The following PHACTR1 variants were observed in gnomAD, a reference collection of about 807,000 sequenced individuals.
PHACTR1 encodes RPEL repeat containing 1.
PHACTR1 carries 16 observed loss-of-function variants against 69.2 expected under a neutral mutation model. The observed-to-expected ratio is 0.23, with a 90% CI of 0.16 to 0.35. The LOEUF (loss-of-function observed/expected upper bound fraction) is 0.35. Ranked by LOEUF, PHACTR1 falls within the 10% of genes least tolerant of loss-of-function variation. PHACTR1 has a pLI of 1.00. For missense variants in PHACTR1, 510 were observed against 734.7 expected, an observed-to-expected ratio of 0.69 and a Z score of 3.54; for synonymous variants, 312 against 284.5, an observed-to-expected ratio of 1.10 and a Z score of -0.97.
At chr6:12,804,494 T>G (rs996321720) in intron 4 of PHACTR1, among the ~76,000 whole-genome samples, 1 of 152,232 alleles carries the variant, frequency 6.6e-6, no homozygotes, top group Admixed American at 6.5e-5. Context: ...GAATGATTAT[T>G]TGAAATATAA....
In PHACTR1 at chr6:13,196,145, C is replaced by A. The variant is rs115006897; in HGVS notation, c.665-9670C>A. 2.0e-3 allele frequency among the ~76,000 whole-genome samples: 298 copies of A among 152,306 alleles called. 2 individuals are homozygous for A. The highest frequency in any genetic ancestry group is 6.9e-3 in the African/African-American group (285 of 41,568). ...CTGTGTGTTTCCCAGCAGGAGCAGC[C>A]ACCATCATCATTAGAAAGGCAAGAA... On this transcript the variant is annotated intron_variant, in intron 7 of 14. Coordinates refer to ENST00000332995, the MANE Select transcript of PHACTR1 (RefSeq NM_030948.6).
chr6:12,851,671 A>C (rs947253228), intron 4 of PHACTR1, among the ~76,000 whole-genome samples: 127 of 152,194 alleles, frequency 8.3e-4, no homozygotes, highest in African/African-American at 2.9e-3. Flanking sequence ...AATAGATTCT[A>C]CATATTCTAA....
intron 4 of PHACTR1, among the ~76,000 whole-genome samples, chr6:12,804,466 A>T (rs1257542571): frequency 6.6e-6 from 1 of 152,242 alleles, no homozygotes; most frequent in East Asian, 1.9e-4. Context: ...CTGAAAGAAG[A>T]TGGCTGGTCC....
At chr6:13,103,406 C>G (rs1815506881) in intron 5 of PHACTR1, among the ~76,000 whole-genome samples, 1 of 152,128 alleles carries the variant, frequency 6.6e-6, no homozygotes, top group African/African-American at 2.4e-5. Flanking sequence ...TTTGCAAATA[C>G]TTTCTGTAGT....
At chr6:12,849,600 A>G (rs1479603858) in intron 4 of PHACTR1, among the ~76,000 whole-genome samples, 1 of 152,160 alleles carries the variant, frequency 6.6e-6, no homozygotes, top group Non-Finnish European at 1.5e-5. Flanking sequence ...GAGCTAGGGA[A>G]TGTTGAGATT....
At chr6:12,811,173 A>G (rs2127695527) in intron 4 of PHACTR1, among the ~76,000 whole-genome samples, 1 of 152,350 alleles carries the variant, frequency 6.6e-6, no homozygotes, top group South Asian at 2.1e-4. Flanking sequence ...GTCGTAGATT[A>G]CATAAGGGAG....
chr6:13,132,302 C>G (rs1820588400), intron 5 of PHACTR1, among the ~76,000 whole-genome samples: 6 of 152,162 alleles, frequency 3.9e-5, no homozygotes, highest in Admixed American at 3.9e-4. Context: ...CCTACTGGCA[C>G]CTGCCTGTGG....
intron 4 of PHACTR1, among the ~76,000 whole-genome samples, chr6:12,927,912 A>C (rs1051577617): frequency 6.6e-6 from 1 of 152,214 alleles, no homozygotes; most frequent in Non-Finnish European, 1.5e-5. Flanking sequence ...TTAGCACTGC[A>C]CAGAGTTAAG....
chr6:12,871,766 T>C (rs969056197), intron 4 of PHACTR1, among the ~76,000 whole-genome samples: 19 of 152,226 alleles, frequency 1.2e-4, no homozygotes, highest in African/African-American at 4.6e-4. Context: ...CTAAACATTT[T>C]CACAGCTGTT....
At chr6:12,989,008 G>A (rs561111134) in intron 4 of PHACTR1, among the ~76,000 whole-genome samples, 24 of 152,320 alleles carry the variant, frequency 1.6e-4, no homozygotes, top group South Asian at 1.4e-3. Context: ...GTCTCACTCC[G>A]CCTGTTGCTG....
intron 4 of PHACTR1, among the ~76,000 whole-genome samples, chr6:12,825,917 G>A (rs544729466): frequency 6.6e-6 from 1 of 152,186 alleles, no homozygotes; most frequent in African/African-American, 2.4e-5. Flanking sequence ...GAAAAGAAAA[G>A]AAAAGAAAAG....
intron 7 of PHACTR1, among the ~76,000 whole-genome samples, chr6:13,195,779 A>AAAAAAAAAAAAAAAAAAG (rs201554952): frequency 4.7e-4 from 56 of 118,552 alleles, no homozygotes; most frequent in African/African-American, 1.3e-3. Flanking sequence ...AAAAAAAAAA[A>AAAAAAAAAAAAAAAAAAG]AGTTCATTTG....
chr6:12,883,103 T>C (rs1026598425), intron 4 of PHACTR1, among the ~76,000 whole-genome samples: 6 of 152,142 alleles, frequency 3.9e-5, no homozygotes, highest in Non-Finnish European at 7.3e-5. Flanking sequence ...AAGTCAGAGT[T>C]ATGGAGTTGG....
At position 13,090,895 on chromosome 6, in the gene PHACTR1, A is replaced by G. The variant is rs1181998252; in HGVS notation, c.415+37366A>G. Reference sequence around the variant, plus strand: ...AGGATGATTTAAGCACATTACATTTATTGTACACTTTATTTCTATTATTAT... The same window carrying G: ...AGGATGATTTAAGCACATTACATTTGTTGTACACTTTATTTCTATTATTAT... On this transcript the variant is annotated intron_variant, in intron 5 of 14. Transcript: ENST00000332995. 5.9e-5 allele frequency among the ~76,000 whole-genome samples: 9 copies of G among 152,086 alleles called. No homozygotes were observed. The East Asian group carries it at 1.7e-3, about 29-fold the overall frequency.
chr6:12,749,335 C>T (rs765837288), intron 3 of PHACTR1: 6 of 454,988 alleles, frequency 1.3e-5, no homozygotes, highest in African/African-American at 4.0e-5. Flanking sequence ...ACTGGCCCCT[C>T]GGCCCTGTGG....
chr6:13,147,060 T>C (rs1823477069), intron 5 of PHACTR1, among the ~76,000 whole-genome samples: 1 of 152,230 alleles, frequency 6.6e-6, no homozygotes. Flanking sequence ...TGAAAAAGTC[T>C]GTCCTAATAG....
chr6:12,983,365 T>C (rs1198164234), intron 4 of PHACTR1, among the ~76,000 whole-genome samples: 2 of 152,098 alleles, frequency 1.3e-5, no homozygotes, highest in Non-Finnish European at 2.9e-5. Flanking sequence ...TTGACAGTTA[T>C]GAAAGATTTG....
At chr6:12,802,590 G>A (rs1773834462) in intron 4 of PHACTR1, among the ~76,000 whole-genome samples, 1 of 152,124 alleles carries the variant, frequency 6.6e-6, no homozygotes, top group Non-Finnish European at 1.5e-5. Context: ...ACCGTAGGAT[G>A]TACCATTATT....
intron 5 of PHACTR1, among the ~76,000 whole-genome samples, chr6:13,067,265 C>T (rs1808792935): frequency 2.0e-5 from 3 of 152,090 alleles, no homozygotes; most frequent in Admixed American, 2.0e-4. Context: ...GAAACTGAAG[C>T]TTAGGGAGAC....
Sources: allele counts gnomAD v4.1 joint callset (sites outside exome capture counted in the v4.1 genomes callset), GRCh38; gene constraint gnomAD v4.1.1; transcripts MANE v1.5; gene names NCBI Gene and HGNC (gene_info 2026-07-23, HGNC 2026-07-21).